Variants in PPM1B observed in about 807,000 individuals in gnomAD.
PPM1B encodes the protein protein phosphatase 1B.
Under a neutral mutation model 43.0 loss-of-function variants are expected in PPM1B, and 22 were observed. The ratio of observed to expected loss-of-function variants is 0.51; its 90% CI spans 0.37 to 0.73. The LOEUF (loss-of-function observed/expected upper bound fraction) is 0.73. Ranked by LOEUF, PPM1B falls within the 30% of genes least tolerant of loss-of-function variation. The pLI is 0.00. For synonymous variants in PPM1B, 217 were observed against 197.9 expected (o/e 1.10, Z -0.81); for missense variants, 632 against 584.2 (o/e 1.08, Z -0.84).
At chr2:44,208,488 G>C (rs1314213814) in intron 2 of PPM1B, among the ~76,000 whole-genome samples, 1 of 151,912 alleles carries the variant, frequency 6.6e-6, no homozygotes, top group Non-Finnish European at 1.5e-5. Context: ...TGAGGTGGGT[G>C]GATCACCTGA....
In PPM1B at chr2:44,213,909, A is replaced by T. The variant is rs546405827; in HGVS notation, c.965-4058A>T. ...TGACTATAGTTTATCAGAAGGTGGG[A>T]GGAATTCTCTTAGTTTCCTTCTTCC... On this transcript the variant is annotated intron_variant, in intron 3 of 5. Coordinates refer to ENST00000282412, the MANE Select transcript of PPM1B (RefSeq NM_002706.6). 8.5e-5 allele frequency among the ~76,000 whole-genome samples: 13 copies of T among 152,264 alleles called. 1 individual carries two copies. The South Asian group carries it at 2.7e-3, about 32-fold the overall frequency.
intron 1 of PPM1B, among the ~76,000 whole-genome samples, chr2:44,197,265 G>C (rs576652689): frequency 2.0e-5 from 3 of 152,024 alleles, no homozygotes; most frequent in Non-Finnish European, 4.4e-5. Flanking sequence ...GGCTACAGCC[G>C]TGCGCCACCA....
intron 2 of PPM1B, among the ~76,000 whole-genome samples, chr2:44,207,888 C>CTTT (rs569077342): frequency 2.5e-4 from 24 of 97,384 alleles, no homozygotes; most frequent in African/African-American, 8.7e-4. Context: ...TGGCTTTATG[C>CTTT]TTTTTTTTTT....
At chr2:44,211,545 GTTAC>G (rs1490612054) in intron 3 of PPM1B, among the ~76,000 whole-genome samples, 2 of 151,758 alleles carry the variant, frequency 1.3e-5, no homozygotes, top group Non-Finnish European at 2.9e-5. Context: ...TGTCTTTCAG[GTTAC>G]TTAATTAATA....
At chr2:44,192,195 T>TGTATG (rs1485304938) in intron 1 of PPM1B, among the ~76,000 whole-genome samples, 4 of 103,902 alleles carry the variant, frequency 3.8e-5, no homozygotes, top group African/African-American at 1.5e-4. Flanking sequence ...GTTATGGTAT[T>TGTATG]GTATTGTATT....
At chr2:44,228,686 G>A (rs945707444) in intron 5 of PPM1B, among the ~76,000 whole-genome samples, 5 of 152,058 alleles carry the variant, frequency 3.3e-5, no homozygotes, top group Non-Finnish European at 5.9e-5. Flanking sequence ...ACTTCCAAAT[G>A]TATTTAAAAA....
chr2:44,220,739 C>T (rs1283191436), intron 5 of PPM1B, among the ~76,000 whole-genome samples: 4 of 152,158 alleles, frequency 2.6e-5, no homozygotes, highest in African/African-American at 7.2e-5. Flanking sequence ...AGAATGTGAC[C>T]ATTGCCATGT....
intron 5 of PPM1B, among the ~76,000 whole-genome samples, chr2:44,225,744 C>T (rs1670179271): frequency 1.3e-5 from 2 of 152,060 alleles, no homozygotes; most frequent in Admixed American, 1.3e-4. Context: ...GTAACCTCTG[C>T]CTTCCAGGTT....
chr2:44,231,409 A>T lies in PPM1B; in HGVS notation c.*691A>T, dbSNP rs950149240. The T allele has an allele frequency of 3.1e-6, 3 of 974,580 alleles. No homozygotes were observed. In the African/African-American group the frequency reaches 5.3e-5, roughly 17 times the overall value. The allele number at this position is 974,580 out of a possible 1,614,324, so 60.4% of individuals were successfully genotyped here. A position where few individuals can be genotyped will look rare whatever the true frequency, so the allele number is the denominator to read the frequency against. Reference sequence around the variant, plus strand: ...ACACACATCAAAATGTATGTCAACCAAGTGTTTAGAATGAAATTATAAGTG... The same window carrying T: ...ACACACATCAAAATGTATGTCAACCTAGTGTTTAGAATGAAATTATAAGTG... On this transcript the variant is annotated 3_prime_UTR_variant, in exon 6 of 6. Coordinates refer to ENST00000282412, the MANE Select transcript of PPM1B (RefSeq NM_002706.6).
At chr2:44,241,404 G>A (rs989125372) in intron 5 of PPM1B, among the ~76,000 whole-genome samples, 1 of 144,432 alleles carries the variant, frequency 6.9e-6, no homozygotes, top group African/African-American at 2.5e-5. Flanking sequence ...GTACTGTGTC[G>A]GGAATACATG....
At chr2:44,197,075 T>G (rs1668694622) in intron 1 of PPM1B, among the ~76,000 whole-genome samples, 1 of 152,206 alleles carries the variant, frequency 6.6e-6, no homozygotes, top group Admixed American at 6.5e-5. Context: ...GCAAAGGTAG[T>G]ACAGAGTCTT....
intron 5 of PPM1B, among the ~76,000 whole-genome samples, chr2:44,223,895 T>A (rs1670093899): frequency 6.6e-6 from 1 of 150,508 alleles, no homozygotes; most frequent in Admixed American, 6.6e-5. Flanking sequence ...TTTTAAGGTA[T>A]GATTGACATA....
intron 1 of PPM1B, among the ~76,000 whole-genome samples, chr2:44,186,040 T>C (rs1410230394): frequency 6.6e-6 from 1 of 152,174 alleles, no homozygotes; most frequent in Non-Finnish European, 1.5e-5. Context: ...TGTTTTTCTT[T>C]TGCTTCTCAT....
intron 1 of PPM1B, among the ~76,000 whole-genome samples, chr2:44,194,896 T>G (rs1285097778): frequency 2.0e-5 from 3 of 147,876 alleles, no homozygotes; most frequent in Admixed American, 2.0e-4. Flanking sequence ...TCCAGTCTTT[T>G]GCTTTTTTTT....
chr2:44,205,986 A>T (rs77764125), intron 2 of PPM1B, among the ~76,000 whole-genome samples: 1 of 152,100 alleles, frequency 6.6e-6, no homozygotes, highest in Non-Finnish European at 1.5e-5. Context: ...ATTGCACTCC[A>T]GCCTGGGCGA....
chr2:44,187,596 C>G (rs1668185625), intron 1 of PPM1B, among the ~76,000 whole-genome samples: 1 of 152,202 alleles, frequency 6.6e-6, no homozygotes, highest in Non-Finnish European at 1.5e-5. Flanking sequence ...TGCCTCTCCG[C>G]CAAGCAGTAG....
intron 5 of PPM1B, chr2:44,230,142 T>G: frequency 1.4e-6 from 2 of 1,448,112 alleles, no homozygotes; most frequent in Non-Finnish European, 1.8e-6. Flanking sequence ...TGTTGAATTA[T>G]AAAAGCTGAG....
intron 3 of PPM1B, among the ~76,000 whole-genome samples, chr2:44,214,169 G>C (rs115269689): frequency 6.6e-6 from 1 of 152,122 alleles, no homozygotes; most frequent in Non-Finnish European, 1.5e-5. Flanking sequence ...AAGCTTAGCT[G>C]CCCGGGTTCA....
chr2:44,237,525 T>G (rs1346986921), downstream of PPM1B, among the ~76,000 whole-genome samples: 1 of 152,208 alleles, frequency 6.6e-6, no homozygotes, highest in Non-Finnish European at 1.5e-5. Context: ...TGAGGGGCAC[T>G]TAGGAAGTCA....
Sources: allele counts gnomAD v4.1 joint callset (sites outside exome capture counted in the v4.1 genomes callset), GRCh38; gene constraint gnomAD v4.1.1; transcripts MANE v1.5; gene names NCBI Gene and HGNC (gene_info 2026-07-23, HGNC 2026-07-21).